The following RASAL2 variants were observed in gnomAD, a reference collection of about 807,000 sequenced individuals.
RASAL2 encodes RAS protein activator like 2.
In RASAL2, 58 loss-of-function variants were observed where a neutral mutation model predicts 128.9. The observed-to-expected ratio is 0.45, with a 90% confidence interval of 0.36 to 0.56. The LOEUF (loss-of-function observed/expected upper bound fraction) is 0.56, where lower values mean the gene tolerates loss of function less well. Among genes scored for constraint, RASAL2 ranks in the 20% least tolerant of loss-of-function variants. The pLI, the probability that RASAL2 is intolerant of heterozygous loss-of-function variation, is 0.00. For missense variants in RASAL2, 1,360 were observed against 1,601.6 expected, an observed-to-expected ratio of 0.85 and a Z score of 2.57; for synonymous variants, 561 against 580.8, an observed-to-expected ratio of 0.97 and a Z score of 0.49.
chr1:178,352,756 T>C (rs879387779), intron 3 of RASAL2, among the ~76,000 whole-genome samples: 1 of 152,212 alleles, frequency 6.6e-6, no homozygotes, highest in Non-Finnish European at 1.5e-5. Flanking sequence ...TTTCCGTACA[T>C]TCTCTGAAAT....
chr1:178,241,960 G>T (rs2102053731), intron 1 of RASAL2, among the ~76,000 whole-genome samples: 1 of 152,314 alleles, frequency 6.6e-6, no homozygotes, highest in African/African-American at 2.4e-5. Flanking sequence ...TTTTGCTCAT[G>T]CAGGGAGCAC....
intron 1 of RASAL2, among the ~76,000 whole-genome samples, chr1:178,164,853 G>C (rs994914799): frequency 6.6e-6 from 1 of 151,162 alleles, no homozygotes; most frequent in East Asian, 1.9e-4. Flanking sequence ...GTGTGTGTGT[G>C]TGTGTGTGTG....
At chr1:178,177,155 A>G (rs141258232) in intron 1 of RASAL2, among the ~76,000 whole-genome samples, 206 of 152,310 alleles carry the variant, frequency 1.4e-3, no homozygotes, top group African/African-American at 4.9e-3. Flanking sequence ...TAAAATTGCC[A>G]TGCTGTTTGG....
intron 17 of RASAL2, 50 bp downstream of exon 17, chr1:178,467,471 A>G (rs1227530919): frequency 2.7e-6 from 4 of 1,508,728 alleles, no homozygotes; most frequent in South Asian, 1.1e-5. Flanking sequence ...AGTAACGATT[A>G]TTTCCTGACT....
intron 1 of RASAL2, among the ~76,000 whole-genome samples, chr1:178,280,075 G>A (rs772038394): frequency 3.9e-4 from 60 of 152,058 alleles, no homozygotes; most frequent in Non-Finnish European, 7.8e-4. Context: ...TCATTGATTT[G>A]GTTTCAGATT....
intron 3 of RASAL2, among the ~76,000 whole-genome samples, chr1:178,339,312 G>T (rs1245155658): frequency 1.3e-5 from 2 of 152,196 alleles, no homozygotes; most frequent in Admixed American, 1.3e-4. Flanking sequence ...GCTTCTAAGA[G>T]TAATTTCTAC....
intron 3 of RASAL2, among the ~76,000 whole-genome samples, chr1:178,320,827 T>G (rs1381986069): frequency 6.6e-6 from 1 of 152,210 alleles, no homozygotes; most frequent in African/African-American, 2.4e-5. Flanking sequence ...CCTCACTTTA[T>G]TATTATGACT....
At chr1:178,253,239 T>C (rs1665137245) in intron 1 of RASAL2, among the ~76,000 whole-genome samples, 1 of 152,204 alleles carries the variant, frequency 6.6e-6, no homozygotes, top group Non-Finnish European at 1.5e-5. Flanking sequence ...CTTCTGTGAC[T>C]TCAAATTTTT....
chr1:178,102,810 C>G (rs1658953294), intron 1 of RASAL2, among the ~76,000 whole-genome samples: 1 of 152,200 alleles, frequency 6.6e-6, no homozygotes, highest in South Asian at 2.1e-4. Context: ...AACTTGCCAT[C>G]TGGCAGGCAT....
At chr1:178,459,533 A>G (rs1678027298) in intron 14 of RASAL2, among the ~76,000 whole-genome samples, 1 of 152,212 alleles carries the variant, frequency 6.6e-6, no homozygotes, top group Non-Finnish European at 1.5e-5. Flanking sequence ...GGAGACTGCA[A>G]TAAAATCCTA....
intron 1 of RASAL2, among the ~76,000 whole-genome samples, chr1:178,215,335 C>T (rs552822140): frequency 6.6e-5 from 10 of 152,324 alleles, no homozygotes; most frequent in African/African-American, 2.4e-4. Context: ...TTTGACACCA[C>T]AAAACCTCCC....
chr1:178,141,922 T>C (rs923353241), intron 1 of RASAL2, among the ~76,000 whole-genome samples: 1 of 151,902 alleles, frequency 6.6e-6, no homozygotes, highest in Non-Finnish European at 1.5e-5. Context: ...CCCTATACGA[T>C]GGGGCGTCAA....
intron 1 of RASAL2, among the ~76,000 whole-genome samples, chr1:178,196,668 A>G (rs1418015985): frequency 2.0e-5 from 3 of 152,356 alleles, no homozygotes; most frequent in Non-Finnish European, 1.5e-5. Context: ...ATACTACACC[A>G]TCTTATATAA....
intron 9 of RASAL2, among the ~76,000 whole-genome samples, chr1:178,446,736 T>G (rs899751633): frequency 6.6e-6 from 1 of 152,202 alleles, no homozygotes; most frequent in Non-Finnish European, 1.5e-5. Flanking sequence ...GATATCTCTA[T>G]ACCAAAAAGA....
intron 2 of RASAL2, among the ~76,000 whole-genome samples, chr1:178,296,766 G>A (rs560681204): frequency 1.9e-4 from 28 of 150,012 alleles, no homozygotes; most frequent in African/African-American, 5.4e-4. Flanking sequence ...TCCACCTCTC[G>A]GGTTCAAGCA....
At chr1:178,411,896 G>C (rs1674413100) in intron 4 of RASAL2, 2 of 694,888 alleles carry the variant, frequency 2.9e-6, no homozygotes, top group Admixed American at 4.2e-5. Flanking sequence ...CCTGGGGCCA[G>C]TCGGCCTTCA....
intron 3 of RASAL2, among the ~76,000 whole-genome samples, chr1:178,312,348 C>A (rs1009862412): frequency 1.3e-5 from 2 of 152,092 alleles, no homozygotes; most frequent in Admixed American, 6.6e-5. Flanking sequence ...TGCGGACTTA[C>A]AATAAGCAAT....
At position 178,458,481 on chromosome 1, in the gene RASAL2, C is replaced by T; in HGVS notation, c.3189C>T (p.Ser1063=). The T allele has an allele frequency of 6.2e-7, 1 of 1,614,104 alleles. No homozygotes were observed. The highest frequency in any genetic ancestry group is 8.5e-7 in the Non-Finnish European group (1 of 1,179,994). ...ATGGGAGCCGGTCCCGGCAGCAGTC[C>T]TCTTCCTCCAGAGAGAGCCCTGTTC... ...VQNGSRSRQQ[S]SSSRESPVPK... Residue 1063 remains serine (S), a synonymous_variant, in exon 14 of 18, where the codon TCC becomes TCT. Transcript: ENST00000367649.
In RASAL2 at chr1:178,475,743, T is replaced by G. The variant is rs972490687; in HGVS notation, c.*2504T>G. ...TAGAGGGCTGTCTTCACTGAAAGATTTAATGCCCAAAACATTTGGACAGAT... is the reference window on the plus strand; with the variant it reads ...TAGAGGGCTGTCTTCACTGAAAGATGTAATGCCCAAAACATTTGGACAGAT... On this transcript the variant is annotated 3_prime_UTR_variant, in exon 18 of 18. Coordinates refer to ENST00000367649, the MANE Select transcript of RASAL2 (RefSeq NM_170692.4). 3 of 152,236 alleles carry G rather than the reference T, an allele frequency of 2.0e-5. No individual in the cohort carries two copies. The highest frequency in any genetic ancestry group is 7.2e-5 in the African/African-American group (3 of 41,470). 9.4% of individuals were successfully genotyped at this position (152,236 alleles called of 1,614,324 possible). A position where few individuals can be genotyped will look rare whatever the true frequency, so the allele number is the denominator to read the frequency against.
Sources: allele counts gnomAD v4.1 joint callset (sites outside exome capture counted in the v4.1 genomes callset), GRCh38; gene constraint gnomAD v4.1.1; transcripts MANE v1.5; gene names NCBI Gene and HGNC (gene_info 2026-07-23, HGNC 2026-07-21).